IL1RAPL2: variants seen among roughly 807,000 people sequenced by gnomAD.
IL1RAPL2 encodes the protein X-linked interleukin-1 receptor accessory protein-like 2.
Under a neutral mutation model 44.1 loss-of-function variants are expected in IL1RAPL2, and 3 were observed. That is an observed-to-expected ratio of 0.07 (90% CI 0.03 to 0.18). The LOEUF (loss-of-function observed/expected upper bound fraction) is 0.18. IL1RAPL2 is among the 10% of genes least tolerant of loss of function. IL1RAPL2 has a pLI of 1.00. For missense variants in IL1RAPL2, 391 were observed against 496.4 expected (o/e 0.79, Z 2.02); for synonymous variants, 181 against 178.8 (o/e 1.01, Z -0.10).
intron 10 of IL1RAPL2, among the ~76,000 whole-genome samples, chrX:105,760,316 G>T (rs1029948535): frequency 6.3e-5 from 7 of 111,994 alleles, no homozygotes; most frequent in Admixed American, 9.4e-5. Context: ...AGAAAAGACT[G>T]TAAGTAGTAA....
chrX:104,950,513 G>C (rs534576834), intron 2 of IL1RAPL2, among the ~76,000 whole-genome samples: 134 of 112,296 alleles, frequency 1.2e-3, no homozygotes, highest in South Asian at 6.6e-3. Flanking sequence ...TTCGAGCTTC[G>C]GGGCTGCTTT....
At chrX:104,598,286 T>C (rs901184094) in intron 1 of IL1RAPL2, among the ~76,000 whole-genome samples, 10 of 111,361 alleles carry the variant, frequency 9.0e-5, no homozygotes, top group African/African-American at 3.3e-4. Flanking sequence ...AGGCAGAGGG[T>C]TGTAGGTAGG....
chrX:104,942,298 C>G lies in IL1RAPL2; in HGVS notation c.83-253177C>G, dbSNP rs377553693. The stretch of plus-strand genomic sequence containing the variant: ...CTGTAAATTAGCTTAGGCATTATTG[C>G]CATTTTCACAATATTGATTCTTCCT... On this transcript the variant is annotated intron_variant, in intron 2 of 10. Transcript: ENST00000372582. Among the ~76,000 whole-genome samples, 165 of 112,024 alleles carry G rather than the reference C, an allele frequency of 1.5e-3. 1 individual carries two copies. Among genetic ancestry groups the G allele is most frequent in the African/African-American group, 5.0e-3 (153 of 30,828 alleles).
Position 104,644,051 on chromosome X carries a change from C to T in IL1RAPL2, c.-19-14844C>T, listed in dbSNP as rs938038762. Among the ~76,000 whole-genome samples, 94 of 111,362 alleles carry T rather than the reference C, an allele frequency of 8.4e-4. 1 individual carries two copies. Among genetic ancestry groups the T allele is most frequent in the Non-Finnish European group, 7.2e-4 (38 of 53,069 alleles). On this transcript the variant is annotated intron_variant, in intron 1 of 10. Transcript: ENST00000372582. Reference sequence around the variant, plus strand: ...GTAAACAGAGAAGATGCCCTTTCAGCTATTGCCACGCAATTCTTGTTGAAA... The same window carrying T: ...GTAAACAGAGAAGATGCCCTTTCAGTTATTGCCACGCAATTCTTGTTGAAA...
intron 2 of IL1RAPL2, among the ~76,000 whole-genome samples, chrX:104,721,117 G>A (rs1351269837): frequency 9.0e-6 from 1 of 111,626 alleles, no homozygotes; most frequent in Non-Finnish European, 1.9e-5. Flanking sequence ...GGGAGACAGT[G>A]TGGCAATTCC....
chrX:104,627,356 A>G (rs1929533397), intron 1 of IL1RAPL2, among the ~76,000 whole-genome samples: 1 of 92,010 alleles, frequency 1.1e-5, no homozygotes, highest in African/African-American at 4.0e-5. Flanking sequence ...GGGGGGAGGG[A>G]AAGCATTAGG....
chrX:105,306,624 C>A (rs922736908), intron 5 of IL1RAPL2, among the ~76,000 whole-genome samples: 11 of 111,314 alleles, frequency 9.9e-5, no homozygotes, highest in Non-Finnish European at 1.7e-4. Context: ...CTCATGTTTC[C>A]TCCTAATTAG....
intron 5 of IL1RAPL2, among the ~76,000 whole-genome samples, chrX:105,379,865 T>C (rs1261693096): frequency 8.9e-6 from 1 of 111,878 alleles, no homozygotes; most frequent in Non-Finnish European, 1.9e-5. Context: ...CAACAGAAAG[T>C]CAAAACTGGG....
At chrX:104,882,738 C>T (rs1416743921) in intron 2 of IL1RAPL2, among the ~76,000 whole-genome samples, 2 of 111,732 alleles carry the variant, frequency 1.8e-5, no homozygotes, top group East Asian at 2.8e-4. Context: ...GGGTCCCCTT[C>T]CATGCTGTAG....
intron 2 of IL1RAPL2, among the ~76,000 whole-genome samples, chrX:104,930,495 G>A (rs764540252): frequency 8.9e-6 from 1 of 111,810 alleles, no homozygotes; most frequent in South Asian, 3.7e-4. Context: ...TTTACATGAA[G>A]TAACTATTCA....
At chrX:105,490,444 T>C (rs886674757) in intron 6 of IL1RAPL2, among the ~76,000 whole-genome samples, 15 of 112,121 alleles carry the variant, frequency 1.3e-4, no homozygotes, top group South Asian at 3.7e-4. Context: ...GTGTGTTATA[T>C]GCTATTGGCT....
chrX:104,713,384 C>A (rs917077100), intron 2 of IL1RAPL2, among the ~76,000 whole-genome samples: 1 of 110,706 alleles, frequency 9.0e-6, no homozygotes, highest in Non-Finnish European at 1.9e-5. Flanking sequence ...CCTACACAGA[C>A]CACGAATATG....
chrX:104,886,520 C>T (rs938934937), intron 2 of IL1RAPL2, among the ~76,000 whole-genome samples: 7 of 110,828 alleles, frequency 6.3e-5, no homozygotes, highest in Non-Finnish European at 1.9e-5. Flanking sequence ...GTCCCTGCAA[C>T]ACCCCAATTC....
chrX:104,587,792 T>C (rs1928589326), intron 1 of IL1RAPL2, among the ~76,000 whole-genome samples: 1 of 111,979 alleles, frequency 8.9e-6, no homozygotes, highest in South Asian at 3.7e-4. Context: ...TATAGTTGTA[T>C]AGCCAGTTTA....
rs187023927 is a variant in IL1RAPL2 at position 105,274,424 on chromosome X, A to G, written c.697+6883A>G. ...GATAATTTATATTGAGAATATTCCAATGATGTTCATTGCAGTTATGACTAT... is the reference window on the plus strand; with the variant it reads ...GATAATTTATATTGAGAATATTCCAGTGATGTTCATTGCAGTTATGACTAT... On this transcript the variant is annotated intron_variant, in intron 5 of 10. Coordinates refer to ENST00000372582, the MANE Select transcript of IL1RAPL2 (RefSeq NM_017416.2). Among the ~76,000 whole-genome samples, 20 of 112,566 alleles carry G rather than the reference A, an allele frequency of 1.8e-4. No homozygotes were observed. The East Asian group carries it at 5.6e-3, about 31-fold the overall frequency.
At chrX:105,587,062 G>A (rs964157689) in intron 6 of IL1RAPL2, among the ~76,000 whole-genome samples, 4 of 111,249 alleles carry the variant, frequency 3.6e-5, no homozygotes, top group East Asian at 2.9e-4. Context: ...TCTGTCTCTT[G>A]TAAAATATAT....
At chrX:105,015,853 G>A (rs2031163796) in intron 2 of IL1RAPL2, among the ~76,000 whole-genome samples, 1 of 111,730 alleles carries the variant, frequency 9.0e-6, no homozygotes, top group Non-Finnish European at 1.9e-5. Flanking sequence ...TGTGAAGAAA[G>A]TCAGTGTTAG....
At chrX:105,225,779 C>T (rs927979945) in intron 3 of IL1RAPL2, among the ~76,000 whole-genome samples, 1 of 109,229 alleles carries the variant, frequency 9.2e-6, no homozygotes, top group Admixed American at 9.9e-5. Flanking sequence ...CTCCGCCTCT[C>T]AGGTTCAAGT....
intron 2 of IL1RAPL2, among the ~76,000 whole-genome samples, chrX:105,168,444 T>C (rs2033390990): frequency 9.6e-6 from 1 of 104,268 alleles, no homozygotes; most frequent in South Asian, 4.6e-4. Context: ...TGTGTGTGTG[T>C]GTGTGTGTGC....
Sources: gnomAD v4.1 joint callset for allele counts (sites outside exome capture counted in the v4.1 genomes callset) on GRCh38, gnomAD v4.1.1 for gene constraint, MANE v1.5 for transcripts, NCBI Gene and HGNC (gene_info 2026-07-23, HGNC 2026-07-21) for gene names.